CEP192: variants seen among roughly 807,000 people sequenced by gnomAD.
CEP192 encodes the protein centrosomal protein of 192 kDa.
A neutral mutation model predicts 271.8 loss-of-function variants in CEP192; 151 were observed. The observed-to-expected ratio is 0.56, with a 90% CI of 0.49 to 0.64. The LOEUF is 0.64. Ranked by LOEUF, CEP192 falls within the 30% of genes least tolerant of loss-of-function variation. The pLI is 0.00. For synonymous variants in CEP192, 995 were observed against 1,076.5 expected, an observed-to-expected ratio of 0.92 and a Z score of 1.48; for missense variants, 2,910 against 3,020.5, an observed-to-expected ratio of 0.96 and a Z score of 0.86.
intron 11 of CEP192, among the ~76,000 whole-genome samples, chr18:13,032,042 G>A (rs1308384011): frequency 1.3e-5 from 2 of 152,138 alleles, no homozygotes; most frequent in Non-Finnish European, 2.9e-5. Context: ...GGAGTGGATT[G>A]AGTTTTGACC....
Position 13,055,956 on chromosome 18 carries a change from T to G in CEP192, c.3366T>G (p.Ser1122=). ...CAAGAAAAGCAACTGAAACTACTTCTCTGAGTAGCAAGCCTGAATATGTAA... is the reference window on the plus strand; with the variant it reads ...CAAGAAAAGCAACTGAAACTACTTCGCTGAGTAGCAAGCCTGAATATGTAA... ...SDTRKATETT[S]LSSKPEYVKP... is the part of the protein sequence containing the mutation. The change falls in exon 19 of 45, where the codon TCT becomes TCG. Residue 1122 remains serine (S), a synonymous_variant. Transcript: ENST00000506447. 2.5e-6 allele frequency: 4 copies of G among 1,614,216 alleles called. No homozygotes were observed. The highest frequency in any genetic ancestry group is 3.4e-6 in the Non-Finnish European group (4 of 1,180,038).
At chr18:13,038,254 T>C in intron 12 of CEP192, 116 bp from the exon 13 acceptor site, 1 of 840,602 alleles carries the variant, frequency 1.2e-6, no homozygotes, top group Non-Finnish European at 1.8e-6. Flanking sequence ...TTTTGTCTAG[T>C]TTTTCAAAAT....
intron 22 of CEP192, 59 bp downstream of exon 22, chr18:13,068,015 C>T: frequency 2.5e-6 from 4 of 1,601,898 alleles, no homozygotes; most frequent in Non-Finnish European, 3.4e-6. Context: ...TATGAAAGTA[C>T]ATTTTTTTAA....
chr18:13,095,248 C>T (rs540917617), intron 34 of CEP192, among the ~76,000 whole-genome samples: 7 of 152,192 alleles, frequency 4.6e-5, no homozygotes, highest in East Asian at 3.9e-4. Context: ...GCAATCCTCC[C>T]GCCTCGGCCT....
intron 15 of CEP192, 102 bp downstream of exon 15, chr18:13,042,436 C>A: frequency 8.4e-7 from 1 of 1,190,832 alleles, no homozygotes; most frequent in Non-Finnish European, 1.2e-6. Flanking sequence ...CGTTTAACAT[C>A]TTTTCTTTCC....
chr18:13,094,676 G>A (rs928965571), intron 34 of CEP192, among the ~76,000 whole-genome samples: 1 of 152,210 alleles, frequency 6.6e-6, no homozygotes, highest in African/African-American at 2.4e-5. Context: ...TGCTCATGCT[G>A]TTGAGGTATC....
Position 13,047,271 on chromosome 18 carries a change from G to A in CEP192, c.2068-1588G>A, listed in dbSNP as rs114164750. Among the ~76,000 whole-genome samples the A allele has an allele frequency of 7.9e-4, 121 of 152,228 alleles. 1 individual carries two copies. Among genetic ancestry groups the A allele is most frequent in the African/African-American group, 2.8e-3 (117 of 41,516 alleles). On this transcript the variant is annotated intron_variant, in intron 15 of 44. Coordinates refer to ENST00000506447, the MANE Select transcript of CEP192 (RefSeq NM_032142.4). Reference sequence around the variant, plus strand: ...TCCTTATGAGAACCAGTTGGATGCTGGTTTACCTTTACTGCTGGGGTGTAT... The same window carrying A: ...TCCTTATGAGAACCAGTTGGATGCTAGTTTACCTTTACTGCTGGGGTGTAT...
At position 13,067,922 on chromosome 18, in the gene CEP192, A is replaced by G. The variant is rs763594434; in HGVS notation, c.4580A>G (p.His1527Arg). ...CCACTAAAATTGATAAACCGAACGC[A>G]TGCCACTGTGCCAATTAGACTGATT... The part of the protein sequence containing the change: ...ALPLKLINRT[H>R]ATVPIRLIIN... Residue 1527 changes from histidine (H) to arginine (R), a missense_variant, in exon 22 of 45, where the codon CAT becomes CGT. His to Arg is a conservative substitution (Grantham distance 29). Coordinates refer to ENST00000506447, the MANE Select transcript of CEP192 (RefSeq NM_032142.4). 1.1e-5 allele frequency: 17 copies of G among 1,613,074 alleles called. No homozygotes were observed. The highest frequency in any genetic ancestry group is 1.4e-5 in the Non-Finnish European group (17 of 1,179,116).
In CEP192 at chr18:12,999,575, A is replaced by G. The variant is rs916253650; in HGVS notation, c.151A>G (p.Ser51Gly). The G allele has an allele frequency of 6.5e-7, 1 of 1,539,120 alleles. No individual in the cohort carries two copies. The stretch of plus-strand genomic sequence containing the variant: ...TTCTACACTTGCTAGGGATAGATCC[A>G]GCACTGATAACAGGTAAGATTTGTT... ...AVSTLARDRS[S>G]TDNRYPDIQA... The change falls in exon 2 of 45, where the codon AGC (serine) becomes GGC (glycine). Residue 51 changes from serine to glycine, a missense_variant. Transcript: ENST00000506447.
intron 4 of CEP192, 75 bp downstream of exon 4, chr18:13,008,706 T>C (rs2034136339): frequency 9.6e-6 from 11 of 1,141,120 alleles, no homozygotes; most frequent in Non-Finnish European, 1.3e-5. Flanking sequence ...CTTTGGATTT[T>C]TTTTTTTTTT....
Position 13,116,376 on chromosome 18 carries a change from G to A in CEP192, c.7290-1G>A, listed in dbSNP as rs1275231377. 1 of 1,611,372 alleles carries A rather than the reference G, an allele frequency of 6.2e-7. No homozygotes were observed. The highest frequency in any genetic ancestry group is 1.3e-5 in the African/African-American group (1 of 74,818). On this transcript the variant is annotated splice_acceptor_variant, in intron 42 of 44. Coordinates refer to ENST00000506447, the MANE Select transcript of CEP192 (RefSeq NM_032142.4). LOFTEE classifies it high-confidence loss of function. ...AACTTTTACACCTATTCCCAAAGCA[G>A]GCAGCTTGATGTGACTGCTCGTGGA...
At chr18:13,078,706 A>G (rs758698791) in intron 30 of CEP192, among the ~76,000 whole-genome samples, 2 of 152,120 alleles carry the variant, frequency 1.3e-5, no homozygotes, top group South Asian at 4.1e-4. Context: ...ACATATGTAT[A>G]CATGTGCCTT....
chr18:13,038,399 G>C lies in CEP192; in HGVS notation c.1629G>C (p.Ser543=). 1 of 1,551,510 alleles carries C rather than the reference G, an allele frequency of 6.4e-7. No individual in the cohort carries two copies. Among genetic ancestry groups the C allele is most frequent in the South Asian group, 1.2e-5 (1 of 84,044 alleles). Reference sequence around the variant, plus strand: ...AAAACATAGATGCTCATAATACTTCGGTTGCACTGGGCGATACGTCCTGGG... The same window carrying C: ...AAAACATAGATGCTCATAATACTTCCGTTGCACTGGGCGATACGTCCTGGG... ...QEENIDAHNT[S]VALGDTSWGA... Residue 543 remains serine (S), a synonymous_variant, in exon 13 of 45, where the codon TCG becomes TCC. Transcript: ENST00000506447.
intron 11 of CEP192, among the ~76,000 whole-genome samples, chr18:13,036,162 TTTTG>T (rs143129948): frequency 0.035 from 5,274 of 151,056 alleles, 282 homozygotes; most frequent in African/African-American, 0.12. Flanking sequence ...AAAAAAAGTG[TTTTG>T]TTTGTTTTTT....
intron 20 of CEP192, chr18:13,057,976 A>C (rs1433817267): frequency 1.9e-5 from 5 of 261,604 alleles, no homozygotes; most frequent in African/African-American, 4.4e-5. Context: ...AATTCCTATA[A>C]ATTTGCTTTT....
intron 7 of CEP192, among the ~76,000 whole-genome samples, chr18:13,017,679 C>T (rs574931082): frequency 6.6e-6 from 1 of 152,290 alleles, no homozygotes; most frequent in East Asian, 1.9e-4. Flanking sequence ...TGACATTTCA[C>T]TCGAATACTT....
Position 13,067,951 on chromosome 18 carries a change from A to C in CEP192, c.4609A>C (p.Asn1537His), listed in dbSNP as rs761509936. The C allele has an allele frequency of 3.1e-6, 5 of 1,607,868 alleles. No individual in the cohort carries two copies. The South Asian group carries it at 4.4e-5, about 14-fold the overall frequency. ...CACTGTGCCAATTAGACTGATTATT[A>C]ATGCTGTAAGTATGAACATACAGTA... ...HATVPIRLII[N>H]ANAVAWRCFT... Residue 1537 changes from asparagine (N) to histidine (H), a missense_variant, in exon 22 of 45, where the codon AAT becomes CAT. By Grantham distance (68) the Asn-to-His change is moderately conservative. Transcript: ENST00000506447.
chr18:13,004,634 G>T (rs2033867284), intron 3 of CEP192, among the ~76,000 whole-genome samples: 1 of 152,158 alleles, frequency 6.6e-6, no homozygotes, highest in East Asian at 1.9e-4. Context: ...TGAGGGTGGA[G>T]GAGGAGGAGT....
rs1568316395 is a variant in CEP192, at chr18:13,037,243, CATTTG to C, written c.1550_1554del (p.Leu517CysfsTer4). 7.8e-7 allele frequency: 1 copy of C among 1,275,306 alleles called. No individual in the cohort carries two copies. The highest frequency in any genetic ancestry group is 2.0e-5 in the Admixed American group (1 of 49,838). The allele number at this position is 1,275,306 out of a possible 1,614,324, so 79.0% of individuals were successfully genotyped here. On this transcript the variant is annotated frameshift_variant, in exon 12 of 45. Coordinates refer to ENST00000506447, the MANE Select transcript of CEP192 (RefSeq NM_032142.4). LOFTEE classifies it high-confidence loss of function. ...ATAAACATTCTTTTTTAAGCTGAAG[CATTTG>C]ATTTGATTGCACAAGATGAAGAAGA...
Sources: gnomAD v4.1 joint callset for allele counts (sites outside exome capture counted in the v4.1 genomes callset) on GRCh38, gnomAD v4.1.1 for gene constraint, MANE v1.5 for transcripts, NCBI Gene and HGNC (gene_info 2026-07-23, HGNC 2026-07-21) for gene names.